Variants in NRXN3 observed in about 807,000 individuals in gnomAD.
NRXN3 encodes neurexin 3.
NRXN3 carries 32 observed loss-of-function variants against 137.6 expected under a neutral mutation model. The observed-to-expected ratio is 0.23, with a 90% CI of 0.18 to 0.31. The LOEUF is 0.31. NRXN3 is among the 10% of genes least tolerant of loss of function. NRXN3 has a pLI of 1.00. For missense variants in NRXN3, 1,574 were observed against 2,062.5 expected (o/e 0.76, Z 4.59); for synonymous variants, 798 against 784.5 (o/e 1.02, Z -0.29).
At chr14:78,364,785 G>T (rs75418593) in intron 4 of NRXN3, among the ~76,000 whole-genome samples, 3,809 of 152,246 alleles carry the variant, frequency 0.025, 69 homozygotes, top group Non-Finnish European at 0.034. Context: ...GAAACTGTGG[G>T]TGGAGGAGAA....
At chr14:79,706,324 A>ATAACT (rs1375071090) in intron 19 of NRXN3, among the ~76,000 whole-genome samples, 7 of 152,080 alleles carry the variant, frequency 4.6e-5, no homozygotes, top group African/African-American at 1.4e-4. Context: ...TCCTTTCCAA[A>ATAACT]TAACTTAATC....
chr14:78,515,376 G>A (rs1292938266), intron 4 of NRXN3, among the ~76,000 whole-genome samples: 1 of 152,086 alleles, frequency 6.6e-6, no homozygotes, highest in Non-Finnish European at 1.5e-5. Flanking sequence ...GGGAGTTAAA[G>A]CGTTAAGGTT....
chr14:79,341,433 A>G (rs1288444482), intron 15 of NRXN3, among the ~76,000 whole-genome samples: 1 of 152,184 alleles, frequency 6.6e-6, no homozygotes, highest in Non-Finnish European at 1.5e-5. Context: ...CAGCAGTAGC[A>G]GCACCTACCA....
In NRXN3 at chr14:79,470,245, T is replaced by C. The variant is rs2096482895; in HGVS notation, c.3444+2843T>C. On this transcript the variant is annotated intron_variant, in intron 16 of 20. Coordinates refer to ENST00000335750, the MANE Select transcript of NRXN3 (RefSeq NM_001330195.2). ...AGGGGGAGATGAAGGCAGGTGGTTT[T>C]CTCAGTTTTTTTACTGCTATAACAG... Among the ~76,000 whole-genome samples the C allele has an allele frequency of 3.3e-5, 5 of 152,154 alleles. 1 individual carries two copies. In the South Asian group the frequency reaches 1.0e-3, roughly 31 times the overall value.
At chr14:78,770,786 A>G (rs1002098552) in intron 8 of NRXN3, among the ~76,000 whole-genome samples, 1 of 152,208 alleles carries the variant, frequency 6.6e-6, no homozygotes, top group East Asian at 1.9e-4. Context: ...TAAGGCAAGG[A>G]CATGATGGAT....
intron 16 of NRXN3, among the ~76,000 whole-genome samples, chr14:79,488,963 A>T (rs539554846): frequency 7.4e-4 from 113 of 152,166 alleles, no homozygotes; most frequent in Non-Finnish European, 1.0e-3. Flanking sequence ...AAGCAGATAG[A>T]TGCCCATACC....
intron 8 of NRXN3, among the ~76,000 whole-genome samples, chr14:78,737,003 A>G (rs1332499276): frequency 6.6e-6 from 1 of 152,112 alleles, no homozygotes; most frequent in Admixed American, 6.6e-5. Context: ...GCTTTTTGGG[A>G]AAATTTAGCA....
At chr14:78,502,044 C>T (rs1401880138) in intron 4 of NRXN3, among the ~76,000 whole-genome samples, 2 of 152,124 alleles carry the variant, frequency 1.3e-5, no homozygotes, top group East Asian at 3.9e-4. Context: ...GAGATGTGTT[C>T]GCACAGATGT....
chr14:79,034,794 C>T (rs1325219312), intron 15 of NRXN3, among the ~76,000 whole-genome samples: 3 of 151,936 alleles, frequency 2.0e-5, no homozygotes, highest in Admixed American at 6.6e-5. Context: ...TTAGAAGTGA[C>T]GAAAACTTCT....
intron 15 of NRXN3, among the ~76,000 whole-genome samples, chr14:79,095,402 G>A (rs2050123023): frequency 6.6e-6 from 1 of 151,978 alleles, no homozygotes; most frequent in Non-Finnish European, 1.5e-5. Context: ...CATTTGCAAC[G>A]AGCTAAAGTT....
At chr14:79,182,293 A>G (rs558642608) in intron 15 of NRXN3, among the ~76,000 whole-genome samples, 1 of 131,050 alleles carries the variant, frequency 7.6e-6, no homozygotes, top group South Asian at 2.7e-4. Flanking sequence ...TTTATTGTGT[A>G]ATTTATTTCT....
chr14:78,470,058 A>G (rs1188339656), intron 4 of NRXN3, among the ~76,000 whole-genome samples: 2 of 152,212 alleles, frequency 1.3e-5, no homozygotes, highest in African/African-American at 4.8e-5. Flanking sequence ...CATTCTTGGC[A>G]GACCTTAATC....
rs12435435 is a variant in NRXN3, at chr14:79,207,367, G to A, written c.3262+219226G>A. ...GAAAAACACTAGCTTCAATTGTAGA[G>A]AAAACCAAAAGTGCACATGAATGGA... On this transcript the variant is annotated intron_variant, in intron 15 of 20. Coordinates refer to ENST00000335750, the MANE Select transcript of NRXN3 (RefSeq NM_001330195.2). Among the ~76,000 whole-genome samples, 864 of 152,232 alleles carry A rather than the reference G, an allele frequency of 5.7e-3. 4 individuals are homozygous for A. Among genetic ancestry groups the A allele is most frequent in the Middle Eastern group, 0.017 (5 of 294 alleles).
At chr14:78,342,805 A>T (rs1437145206) in intron 4 of NRXN3, among the ~76,000 whole-genome samples, 1 of 152,154 alleles carries the variant, frequency 6.6e-6, no homozygotes, top group Non-Finnish European at 1.5e-5. Context: ...CACACTTGCT[A>T]TGTGTTTTTG....
chr14:78,907,337 A>G (rs2152765161), intron 10 of NRXN3, among the ~76,000 whole-genome samples: 1 of 152,150 alleles, frequency 6.6e-6, no homozygotes, highest in East Asian at 1.9e-4. Flanking sequence ...TTTAGGTCAC[A>G]TGGCCACTTT....
chr14:79,005,808 T>C (rs551640833), intron 15 of NRXN3, among the ~76,000 whole-genome samples: 341 of 152,262 alleles, frequency 2.2e-3, no homozygotes, highest in African/African-American at 7.8e-3. Flanking sequence ...ACCAGGACTA[T>C]GTGATTATTT....
chr14:79,640,685 C>T (rs2098427696), intron 16 of NRXN3, among the ~76,000 whole-genome samples: 1 of 135,868 alleles, frequency 7.4e-6, no homozygotes, highest in African/African-American at 2.4e-5. Context: ...AATATATGCT[C>T]TTCAAAAGCT....
intron 4 of NRXN3, among the ~76,000 whole-genome samples, chr14:78,444,337 G>C (rs1295327665): frequency 2.6e-5 from 4 of 152,184 alleles, no homozygotes; most frequent in African/African-American, 9.6e-5. Context: ...CCTGGCCCCA[G>C]GGTGCCCAGC....
intron 7 of NRXN3, 91 bp from the exon 8 acceptor site, chr14:78,714,665 C>T (rs2098423645): frequency 7.1e-7 from 1 of 1,413,492 alleles, no homozygotes; most frequent in South Asian, 1.3e-5. Flanking sequence ...TCCTGGCCAG[C>T]CAATGGCTGG....
Sources: gnomAD v4.1 joint callset for allele counts (sites outside exome capture counted in the v4.1 genomes callset) on GRCh38, gnomAD v4.1.1 for gene constraint, MANE v1.5 for transcripts, NCBI Gene and HGNC (gene_info 2026-07-23, HGNC 2026-07-21) for gene names.